MACROD2: variants seen among roughly 807,000 people sequenced by gnomAD.
MACROD2 encodes mono-ADP ribosylhydrolase 2, also known as ADP-ribose glycohydrolase MACROD2.
Under a neutral mutation model 70.4 loss-of-function variants are expected in MACROD2, and 36 were observed. The observed-to-expected ratio is 0.51, with a 90% CI of 0.39 to 0.68. MACROD2 has a LOEUF of 0.68. Ranked by LOEUF, MACROD2 falls within the 30% of genes least tolerant of loss-of-function variation. MACROD2 has a pLI of 0.00. For missense variants in MACROD2, 496 were observed against 538.4 expected, an observed-to-expected ratio of 0.92 and a Z score of 0.78; for synonymous variants, 172 against 178.8, an observed-to-expected ratio of 0.96 and a Z score of 0.30.
intron 1 of MACROD2, among the ~76,000 whole-genome samples, chr20:13,997,156 A>T (rs1045559910): frequency 1.3e-5 from 2 of 152,240 alleles, no homozygotes; most frequent in African/African-American, 4.8e-5. Context: ...GATCTTTAAA[A>T]ATGTTGAAAG....
intron 15 of MACROD2, among the ~76,000 whole-genome samples, chr20:16,034,039 A>T (rs552898351): frequency 6.6e-6 from 1 of 152,204 alleles, no homozygotes; most frequent in South Asian, 2.1e-4. Context: ...ATGAATTTTA[A>T]GAGCAAGTGT....
intron 3 of MACROD2, among the ~76,000 whole-genome samples, chr20:14,214,994 A>T (rs996016894): frequency 6.6e-6 from 1 of 150,956 alleles, no homozygotes; most frequent in African/African-American, 2.4e-5. Context: ...TCATATACAT[A>T]TATGTTTATA....
chr20:14,575,959 T>G (rs1180813333), intron 4 of MACROD2, among the ~76,000 whole-genome samples: 1 of 152,306 alleles, frequency 6.6e-6, no homozygotes, highest in Middle Eastern at 3.4e-3. Context: ...GCATTTATAT[T>G]AAAATACCTG....
At chr20:15,694,190 C>T (rs531664871) in intron 8 of MACROD2, among the ~76,000 whole-genome samples, 1 of 152,270 alleles carries the variant, frequency 6.6e-6, no homozygotes, top group East Asian at 1.9e-4. Context: ...GTGCAAGTAT[C>T]TTTTTCAAAT....
intron 5 of MACROD2, among the ~76,000 whole-genome samples, chr20:15,118,390 A>G (rs769827267): frequency 3.3e-5 from 5 of 151,878 alleles, no homozygotes; most frequent in Non-Finnish European, 1.5e-5. Flanking sequence ...ACGGGGTTTC[A>G]CCATGTTGGT....
chr20:14,815,958 A>T (rs1214619568), intron 5 of MACROD2, among the ~76,000 whole-genome samples: 1 of 151,968 alleles, frequency 6.6e-6, no homozygotes, highest in Non-Finnish European at 1.5e-5. Flanking sequence ...TCTAATAGTG[A>T]TATTTAAAGT....
At chr20:15,587,258 A>C (rs547462894) in intron 8 of MACROD2, among the ~76,000 whole-genome samples, 2 of 152,202 alleles carry the variant, frequency 1.3e-5, no homozygotes, top group Non-Finnish European at 2.9e-5. Context: ...CTTACTCCCT[A>C]TCATGAGAAT....
chr20:15,368,243 A>G (rs1488733248), intron 6 of MACROD2, among the ~76,000 whole-genome samples: 1 of 152,110 alleles, frequency 6.6e-6, no homozygotes, highest in East Asian at 1.9e-4. Context: ...CTACTGAGTA[A>G]GAACACTAAG....
At chr20:14,660,806 G>T (rs1986189270) in intron 4 of MACROD2, among the ~76,000 whole-genome samples, 1 of 151,916 alleles carries the variant, frequency 6.6e-6, no homozygotes, top group African/African-American at 2.4e-5. Flanking sequence ...GCGATTTTTG[G>T]TTTTCTCTTC....
At chr20:15,985,984 C>A (rs756900359) in intron 13 of MACROD2, 2 of 152,364 alleles carry the variant, frequency 1.3e-5, no homozygotes, top group African/African-American at 4.8e-5. Flanking sequence ...GGGCTGCATG[C>A]GCCGGTGGTC....
At chr20:15,920,910 G>A (rs1045426218) in intron 10 of MACROD2, among the ~76,000 whole-genome samples, 1 of 152,060 alleles carries the variant, frequency 6.6e-6, no homozygotes, top group Non-Finnish European at 1.5e-5. Context: ...TCGCACCTCC[G>A]TCCAACCACT....
At chr20:16,028,244 G>C (rs1349103366) in intron 15 of MACROD2, among the ~76,000 whole-genome samples, 1 of 152,224 alleles carries the variant, frequency 6.6e-6, no homozygotes, top group Non-Finnish European at 1.5e-5. Flanking sequence ...TGGTTCATAT[G>C]ACAGTGCTTG....
intron 5 of MACROD2, among the ~76,000 whole-genome samples, chr20:15,221,042 A>C (rs775715365): frequency 7.2e-5 from 11 of 152,170 alleles, no homozygotes; most frequent in Admixed American, 6.5e-4. Context: ...ACATTGACCC[A>C]TCTGCACATT....
chr20:15,830,007 G>T (rs1383590296), intron 8 of MACROD2, among the ~76,000 whole-genome samples: 1 of 152,202 alleles, frequency 6.6e-6, no homozygotes, highest in Admixed American at 6.5e-5. Flanking sequence ...TCCAGAGTCT[G>T]CAGGCAGGTG....
intron 5 of MACROD2, among the ~76,000 whole-genome samples, chr20:14,862,604 TAAATATATATAA>T (rs2073373310): frequency 3.0e-5 from 1 of 33,068 alleles, no homozygotes; most frequent in African/African-American, 1.3e-4. Context: ...TATATAAATA[TAAATATATATAA>T]ATATATATAT....
intron 5 of MACROD2, among the ~76,000 whole-genome samples, chr20:14,903,732 G>A (rs1296510266): frequency 4.6e-5 from 7 of 152,012 alleles, no homozygotes; most frequent in South Asian, 2.1e-4. Flanking sequence ...ACAGACTAGC[G>A]TAGGTAACTG....
intron 6 of MACROD2, among the ~76,000 whole-genome samples, chr20:15,287,930 G>A (rs1039221965): frequency 6.6e-6 from 1 of 152,166 alleles, no homozygotes; most frequent in African/African-American, 2.4e-5. Context: ...AGATTTTATT[G>A]TAGGGAAATA....
intron 8 of MACROD2, among the ~76,000 whole-genome samples, chr20:15,812,728 A>G (rs1420082440): frequency 6.6e-6 from 1 of 152,220 alleles, no homozygotes; most frequent in East Asian, 1.9e-4. Flanking sequence ...ACCAAGTCTC[A>G]GTGATCAGAA....
chr20:14,767,638 CT>C, intron 5 of MACROD2, among the ~76,000 whole-genome samples: 1 of 152,026 alleles, frequency 6.6e-6, no homozygotes, highest in Admixed American at 6.6e-5. Context: ...TACTTTCTTT[CT>C]TTTTTTTAAA....
Sources: gnomAD v4.1 joint callset for allele counts (sites outside exome capture counted in the v4.1 genomes callset) on GRCh38, gnomAD v4.1.1 for gene constraint, MANE v1.5 for transcripts, NCBI Gene and HGNC (gene_info 2026-07-23, HGNC 2026-07-21) for gene names.